The following CCDC7 variants were observed in gnomAD, a reference collection of about 807,000 sequenced individuals.
The protein encoded by CCDC7 is coiled-coil domain containing 7.
A neutral mutation model predicts 196.9 loss-of-function variants in CCDC7; 183 were observed. That is an observed-to-expected ratio of 0.93 (90% CI 0.82 to 1.05). The LOEUF (loss-of-function observed/expected upper bound fraction) is 1.05, where lower values mean the gene tolerates loss of function less well. Among genes scored for constraint, CCDC7 ranks in the 50% least tolerant of loss-of-function variants. The pLI, the probability that CCDC7 is intolerant of heterozygous loss-of-function variation, is 0.00. For missense variants in CCDC7, 1,540 were observed against 1,482.2 expected, an observed-to-expected ratio of 1.04 and a Z score of -0.64; for synonymous variants, 525 against 484.6, an observed-to-expected ratio of 1.08 and a Z score of -1.10.
chr10:32,579,836 C>T (rs1564720702), intron 16 of CCDC7, among the ~76,000 whole-genome samples: 1 of 152,068 alleles, frequency 6.6e-6, no homozygotes, highest in Non-Finnish European at 1.5e-5. Context: ...GCCATTTCAA[C>T]TTAGTAGTTT....
At chr10:32,589,644 G>A (rs936910182) in intron 18 of CCDC7, among the ~76,000 whole-genome samples, 8 of 152,052 alleles carry the variant, frequency 5.3e-5, no homozygotes, top group Non-Finnish European at 1.0e-4. Context: ...GCTGAAAGTG[G>A]GGTGTTGAAG....
chr10:32,751,216 C>A (rs1282195393), intron 28 of CCDC7, among the ~76,000 whole-genome samples: 1 of 151,746 alleles, frequency 6.6e-6, no homozygotes, highest in Non-Finnish European at 1.5e-5. Context: ...CTCTATTTAT[C>A]TAGTATTTTG....
intron 18 of CCDC7, among the ~76,000 whole-genome samples, chr10:32,625,663 A>G (rs924780933): frequency 1.1e-4 from 16 of 152,100 alleles, no homozygotes; most frequent in African/African-American, 3.9e-4. Context: ...TGTACAGTAG[A>G]TATCAAAAAA....
chr10:32,794,635 A>ATGTTG (rs1351684208), intron 29 of CCDC7, among the ~76,000 whole-genome samples: 1 of 152,064 alleles, frequency 6.6e-6, no homozygotes, highest in Non-Finnish European at 1.5e-5. Context: ...CTAGTGTGAT[A>ATGTTG]TGTTATCTCA....
chr10:32,863,903 A>AAATG (rs1202790606), intron 41 of CCDC7, among the ~76,000 whole-genome samples: 3 of 150,880 alleles, frequency 2.0e-5, no homozygotes, highest in Admixed American at 6.6e-5. Flanking sequence ...ATAAATAAAT[A>AAATG]AATAAATAAG....
At chr10:32,818,888 G>A (rs554627188) in intron 31 of CCDC7, among the ~76,000 whole-genome samples, 140 of 151,958 alleles carry the variant, frequency 9.2e-4, no homozygotes, top group African/African-American at 3.2e-3. Context: ...ACACCCTAAC[G>A]TCACAATTAA....
intron 18 of CCDC7, among the ~76,000 whole-genome samples, chr10:32,622,717 G>A (rs1165854312): frequency 6.6e-6 from 1 of 151,964 alleles, no homozygotes; most frequent in African/African-American, 2.4e-5. Flanking sequence ...TCAGTTGTAA[G>A]AAAGAAAAAT....
At chr10:32,675,920 T>C (rs1333119311) in intron 21 of CCDC7, 1 of 151,602 alleles carries the variant, frequency 6.6e-6, no homozygotes, top group Non-Finnish European at 1.5e-5. Context: ...AGAGCCCGCA[T>C]CACCAAGTCA....
chr10:32,470,146 A>C (rs1197044016), intron 5 of CCDC7, among the ~76,000 whole-genome samples: 1 of 151,774 alleles, frequency 6.6e-6, no homozygotes, highest in Non-Finnish European at 1.5e-5. Context: ...GTTATATCCT[A>C]CTCTCATTCC....
intron 25 of CCDC7, among the ~76,000 whole-genome samples, chr10:32,720,272 C>T (rs2082211259): frequency 6.6e-6 from 1 of 152,084 alleles, no homozygotes; most frequent in Non-Finnish European, 1.5e-5. Context: ...AACCATCATT[C>T]TCAGCAAACT....
chr10:32,875,406 CTTGT>C (rs1175247670), intron 41 of CCDC7, among the ~76,000 whole-genome samples: 1 of 151,948 alleles, frequency 6.6e-6, no homozygotes, highest in Admixed American at 6.6e-5. Context: ...TTCCCTATTG[CTTGT>C]TTTTGTCAGG....
At chr10:32,646,223 ATTTTCAT>A (rs2067746915) in intron 20 of CCDC7, among the ~76,000 whole-genome samples, 1 of 144,892 alleles carries the variant, frequency 6.9e-6, no homozygotes, top group African/African-American at 2.6e-5. Context: ...TGTATGTTGT[ATTTTCAT>A]TTTTCATTTG....
At chr10:32,685,267 A>G (rs1309598621) in intron 21 of CCDC7, among the ~76,000 whole-genome samples, 2 of 150,324 alleles carry the variant, frequency 1.3e-5, no homozygotes, top group Non-Finnish European at 3.0e-5. Flanking sequence ...CAGTTTATAG[A>G]GATTTTTTAA....
chr10:32,738,229 C>T (rs530140363), intron 28 of CCDC7, among the ~76,000 whole-genome samples: 3 of 152,176 alleles, frequency 2.0e-5, no homozygotes, highest in South Asian at 4.1e-4. Context: ...TTAGAATTTA[C>T]AATGTACATT....
At chr10:32,769,382 G>A (rs1932506) in intron 28 of CCDC7, among the ~76,000 whole-genome samples, 49 of 127,726 alleles carry the variant, frequency 3.8e-4, no homozygotes, top group Non-Finnish European at 7.6e-4. Flanking sequence ...TGTTTACTTG[G>A]ATTTTTTTTT....
At chr10:32,611,614 G>A (rs1369317422) in intron 18 of CCDC7, among the ~76,000 whole-genome samples, 1 of 152,128 alleles carries the variant, frequency 6.6e-6, no homozygotes, top group Non-Finnish European at 1.5e-5. Context: ...GTAAGGAAGG[G>A]ATCCAGTTTC....
chr10:32,633,696 A>ATATG (rs779341941), intron 18 of CCDC7, among the ~76,000 whole-genome samples: 10 of 135,158 alleles, frequency 7.4e-5, no homozygotes, highest in African/African-American at 2.2e-4. Context: ...ATATATATAT[A>ATATG]TGTGTGTGTG....
intron 33 of CCDC7, among the ~76,000 whole-genome samples, chr10:32,843,692 T>C (rs11009113): frequency 0.09 from 13,727 of 152,022 alleles, 891 homozygotes; most frequent in East Asian, 0.33. Flanking sequence ...CTCTTCTTGT[T>C]GCCTCTCTGC....
chr10:32,825,096 G>A (rs566093048), intron 32 of CCDC7, among the ~76,000 whole-genome samples: 9 of 152,280 alleles, frequency 5.9e-5, no homozygotes, highest in Admixed American at 2.0e-4. Context: ...GTGAAACAAT[G>A]ACACACTTCT....
Sources: gnomAD v4.1 joint callset for allele counts (sites outside exome capture counted in the v4.1 genomes callset) on GRCh38, gnomAD v4.1.1 for gene constraint, MANE v1.5 for transcripts, NCBI Gene and HGNC (gene_info 2026-07-23, HGNC 2026-07-21) for gene names.